SIPA1L1: variants seen among roughly 807,000 people sequenced by gnomAD.
SIPA1L1 encodes signal induced proliferation associated 1 like 1.
SIPA1L1 carries 26 observed loss-of-function variants against 162.7 expected under a neutral mutation model. The observed-to-expected ratio is 0.16, with a 90% CI of 0.12 to 0.22. The LOEUF (loss-of-function observed/expected upper bound fraction) is 0.22, where lower values mean the gene tolerates loss of function less well. Among genes scored for constraint, SIPA1L1 ranks in the 10% least tolerant of loss-of-function variants. The probability of loss-of-function intolerance (pLI) is 1.00; values close to 1 mark genes in which losing one functional copy is unlikely to be tolerated. For missense variants in SIPA1L1, 1,874 were observed against 2,241.0 expected, an observed-to-expected ratio of 0.84 and a Z score of 3.31; for synonymous variants, 829 against 837.4, an observed-to-expected ratio of 0.99 and a Z score of 0.17.
chr14:71,715,689 T>C (rs1381573536), intron 17 of SIPA1L1, among the ~76,000 whole-genome samples: 1 of 152,248 alleles, frequency 6.6e-6, no homozygotes, highest in Non-Finnish European at 1.5e-5. Context: ...TCATTTCCTT[T>C]TGTAAGCTCT....
chr14:71,586,475 G>A (rs1049232036), intron 4 of SIPA1L1: 1 of 152,218 alleles, frequency 6.6e-6, no homozygotes, highest in African/African-American at 2.4e-5. Flanking sequence ...TGTCAGCTCA[G>A]TGCTGGTTCA....
At chr14:71,505,374 AC>A (rs1385281741) in intron 2 of SIPA1L1, among the ~76,000 whole-genome samples, 3 of 147,066 alleles carry the variant, frequency 2.0e-5, no homozygotes, top group Non-Finnish European at 3.0e-5. Flanking sequence ...GTGAAAACTT[AC>A]CGTTACTGCT....
At chr14:71,571,711 G>T (rs564685686) in intron 4 of SIPA1L1, among the ~76,000 whole-genome samples, 1 of 151,914 alleles carries the variant, frequency 6.6e-6, no homozygotes, top group East Asian at 1.9e-4. Context: ...GCACAATCTC[G>T]GCTCACTACA....
At chr14:71,659,040 A>G (rs1456246570) in intron 9 of SIPA1L1, among the ~76,000 whole-genome samples, 1 of 152,226 alleles carries the variant, frequency 6.6e-6, no homozygotes, top group African/African-American at 2.4e-5. Flanking sequence ...GTGGAAACTA[A>G]GAGGTGACAG....
At chr14:71,602,843 G>A (rs552196452) in intron 5 of SIPA1L1, among the ~76,000 whole-genome samples, 52 of 152,288 alleles carry the variant, frequency 3.4e-4, no homozygotes, top group African/African-American at 1.2e-3. Flanking sequence ...CTGCACATGC[G>A]AGGGATCTAG....
At chr14:71,569,869 C>T (rs955706236) in intron 4 of SIPA1L1, among the ~76,000 whole-genome samples, 8 of 152,172 alleles carry the variant, frequency 5.3e-5, no homozygotes, top group South Asian at 2.1e-4. Flanking sequence ...TAAATGGATT[C>T]GCCTCTTTCC....
rs1567180410 is a variant in SIPA1L1, at chr14:71,544,101, A to ACG, written c.-303+14731_-303+14732insCG. On this transcript the variant is annotated intron_variant, in intron 4 of 23. Coordinates refer to ENST00000381232, the MANE Select transcript of SIPA1L1 (RefSeq NM_001386936.1). ...CACATGTATGTATATACACACGCAC[A>ACG]TGTATGTATATACACATATATGCAC... Among the ~76,000 whole-genome samples, 813 of 143,876 alleles carry ACG rather than the reference A, an allele frequency of 5.7e-3. 8 individuals carry two copies. The highest frequency in any genetic ancestry group is 0.019 in the African/African-American group (750 of 39,676). 94.4% of individuals were successfully genotyped at this position (143,876 alleles called of 152,430 possible).
rs150691836 is a variant in SIPA1L1 at position 71,326,929 on chromosome 14, C to G, written c.-465+5748C>G. Reference sequence around the variant, plus strand: ...GTTTCGCCATGTTGGCCAGGCTGGTCTAGGACTCCTGACTTCCAGCGATCC... The same window carrying G: ...GTTTCGCCATGTTGGCCAGGCTGGTGTAGGACTCCTGACTTCCAGCGATCC... On this transcript the variant is annotated intron_variant, in intron 2 of 23. Coordinates refer to ENST00000381232, the MANE Select transcript of SIPA1L1 (RefSeq NM_001386936.1). 2.0e-5 allele frequency among the ~76,000 whole-genome samples: 3 copies of G among 151,632 alleles called. No individual in the cohort carries two copies. In the East Asian group the frequency reaches 5.8e-4, roughly 30 times the overall value.
chr14:71,534,050 C>T (rs978439970), intron 4 of SIPA1L1, among the ~76,000 whole-genome samples: 1 of 151,462 alleles, frequency 6.6e-6, no homozygotes, highest in Non-Finnish European at 1.5e-5. Context: ...TATAGTGAGA[C>T]CCCATCTCTA....
At chr14:71,695,586 G>C (rs1178541349) in intron 13 of SIPA1L1, among the ~76,000 whole-genome samples, 1 of 152,176 alleles carries the variant, frequency 6.6e-6, no homozygotes, top group African/African-American at 2.4e-5. Flanking sequence ...CCTCATAGAA[G>C]CATAAACATT....
At chr14:71,610,594 A>G (rs1232439872) in intron 5 of SIPA1L1, among the ~76,000 whole-genome samples, 1 of 152,216 alleles carries the variant, frequency 6.6e-6, no homozygotes, top group East Asian at 1.9e-4. Context: ...ATAGCAACCA[A>G]TAAAAAATCT....
intron 2 of SIPA1L1, among the ~76,000 whole-genome samples, chr14:71,464,916 AG>A (rs892836933): frequency 7.9e-5 from 12 of 152,122 alleles, no homozygotes; most frequent in African/African-American, 2.9e-4. Flanking sequence ...AGAAGCAAAC[AG>A]GGGTGTTGAG....
At chr14:71,412,886 G>A (rs1286862704) in intron 2 of SIPA1L1, among the ~76,000 whole-genome samples, 1 of 152,174 alleles carries the variant, frequency 6.6e-6, no homozygotes, top group Non-Finnish European at 1.5e-5. Context: ...GCATGTGTGT[G>A]GGTATTCTTT....
chr14:71,394,611 T>A (rs1457663302), intron 2 of SIPA1L1, among the ~76,000 whole-genome samples: 1 of 152,232 alleles, frequency 6.6e-6, no homozygotes, highest in African/African-American at 2.4e-5. Flanking sequence ...CAGCAGTGAA[T>A]AAAATGACCT....
chr14:71,623,612 T>C (rs2039669406), intron 6 of SIPA1L1, among the ~76,000 whole-genome samples: 1 of 152,226 alleles, frequency 6.6e-6, no homozygotes, highest in African/African-American at 2.4e-5. Context: ...CTTAAAACTT[T>C]ATCTCCCCCT....
At chr14:71,586,993 CTT>C (rs1171137433) in intron 4 of SIPA1L1, 4 of 151,948 alleles carry the variant, frequency 2.6e-5, no homozygotes, top group African/African-American at 9.7e-5. Context: ...TGGGAAAACT[CTT>C]TTTATTTATT....
At chr14:71,502,255 A>AAATATATATATATATATATAT (rs67020418) in intron 2 of SIPA1L1, among the ~76,000 whole-genome samples, 3 of 97,550 alleles carry the variant, frequency 3.1e-5, no homozygotes, top group African/African-American at 1.4e-4. Flanking sequence ...AAAAAAAAAA[A>AAATATATATATATATATATAT]ATATATATAT....
intron 2 of SIPA1L1, among the ~76,000 whole-genome samples, chr14:71,427,215 A>G (rs1307106509): frequency 1.3e-5 from 2 of 151,612 alleles, no homozygotes; most frequent in Admixed American, 1.3e-4. Context: ...AGACGGGTCT[A>G]ATGGTAGTCA....
At chr14:71,532,846 A>G (rs200384450) in intron 4 of SIPA1L1, among the ~76,000 whole-genome samples, 3 of 152,202 alleles carry the variant, frequency 2.0e-5, no homozygotes, top group Admixed American at 1.3e-4. Context: ...CATGGTTCCC[A>G]TACTATTTTC....
Sources: gnomAD v4.1 joint callset for allele counts (sites outside exome capture counted in the v4.1 genomes callset) on GRCh38, gnomAD v4.1.1 for gene constraint, MANE v1.5 for transcripts, NCBI Gene and HGNC (gene_info 2026-07-23, HGNC 2026-07-21) for gene names.